MTRFR: variants seen among roughly 807,000 people sequenced by gnomAD.
MTRFR encodes the protein probable peptide chain release factor C12orf65, mitochondrial.
In MTRFR, 10 loss-of-function variants were observed where a neutral mutation model predicts 11.9. The ratio of observed to expected loss-of-function variants is 0.84; its 90% confidence interval spans 0.52 to 1.42. The LOEUF is 1.42. Among genes scored for constraint, MTRFR ranks in the 40% most tolerant of loss-of-function variants. MTRFR has a pLI of 0.00. For missense variants in MTRFR, 196 were observed against 197.9 expected (o/e 0.99, Z 0.06); for synonymous variants, 77 against 79.1 (o/e 0.97, Z 0.14).
chr12:123,257,271 T>A lies in MTRFR; in HGVS notation c.*240T>A. 1 of 457,734 alleles carries A rather than the reference T, an allele frequency of 2.2e-6. No homozygotes were observed. The highest frequency in any genetic ancestry group is 3.9e-6 in the Non-Finnish European group (1 of 253,580). 28.4% of individuals were successfully genotyped at this position (457,734 alleles called of 1,614,324 possible). ...GCCTCACATCTGTAATCCCAGCACT[T>A]TGGGAGGCCGAGGCGGGCGGATCAC... On this transcript the variant is annotated 3_prime_UTR_variant, in exon 3 of 3. Coordinates refer to ENST00000253233, the MANE Select transcript of MTRFR (RefSeq NM_152269.5).
intron 1 of MTRFR, 122 bp from the exon 2 acceptor site, chr12:123,253,525 T>C (rs900858810): frequency 3.2e-6 from 3 of 943,504 alleles, no homozygotes; most frequent in African/African-American, 1.6e-5. Flanking sequence ...ATTTCCTAAA[T>C]TCCCTCGGTA....
intron 1 of MTRFR, among the ~76,000 whole-genome samples, chr12:123,241,704 A>G (rs540728678): frequency 2.0e-5 from 3 of 151,010 alleles, no homozygotes; most frequent in African/African-American, 4.9e-5. Context: ...TCTGGGCTCA[A>G]GCAATCCTCC....
At position 123,253,950 on chromosome 12, in the gene MTRFR, T is replaced by G; in HGVS notation, c.276T>G (p.Val92=). 6.2e-7 allele frequency: 1 copy of G among 1,614,110 alleles called. No individual in the cohort carries two copies. Among genetic ancestry groups the G allele is most frequent in the African/African-American group, 1.3e-5 (1 of 75,032 alleles). Residue 92 remains valine (V), a synonymous_variant, in exon 2 of 3, where the codon GTT becomes GTG. Coordinates refer to ENST00000253233, the MANE Select transcript of MTRFR (RefSeq NM_152269.5). The part of the protein sequence containing the change: ...VVLKHIPSGI[V]VKCHQTRSVD... The stretch of plus-strand genomic sequence containing the variant: ...TGAAGCACATCCCCTCAGGCATCGT[T>G]GTAAAGGTAGATCACAGAAGGCCGC...
intron 2 of MTRFR, 136 bp downstream of exon 2, chr12:123,254,092 C>A: frequency 1.0e-6 from 1 of 994,160 alleles, no homozygotes; most frequent in Non-Finnish European, 1.5e-6. Flanking sequence ...ACCAGCCAGG[C>A]AGTAGAGAGC....
rs1201161319 is a variant in MTRFR at position 123,247,944 on chromosome 12, CA to C, written c.-28-5692del. On this transcript the variant is annotated intron_variant, in intron 1 of 2. Coordinates refer to ENST00000253233, the MANE Select transcript of MTRFR (RefSeq NM_152269.5). ...TGGGCAACAGAGTGAGACTCTGTCT[CA>C]AAAAAAAAAAGAAAGAAATGTGAGG... Among the ~76,000 whole-genome samples, 49 of 142,620 alleles carry C rather than the reference CA, an allele frequency of 3.4e-4. 1 individual carries two copies. The highest frequency in any genetic ancestry group is 2.2e-4 in the South Asian group (1 of 4,542). The allele number at this position is 142,620 out of a possible 152,430, so 93.6% of individuals were successfully genotyped here. A position where few individuals can be genotyped will look rare whatever the true frequency, so the allele number is the denominator to read the frequency against.
chr12:123,252,320 AC>A (rs1312382836), intron 1 of MTRFR: 1 of 152,110 alleles, frequency 6.6e-6, no homozygotes, highest in Non-Finnish European at 1.5e-5. Flanking sequence ...GTCTTCACCT[AC>A]TAGGGAGCCT....
upstream of MTRFR, chr12:123,232,924 G>C (rs576042238): frequency 1.3e-5 from 2 of 152,314 alleles, no homozygotes; most frequent in Non-Finnish European, 2.9e-5. Context: ...CCCACACGCC[G>C]AAGGGCTCCG....
chr12:123,254,730 G>A (rs2048163988), intron 2 of MTRFR: 1 of 152,236 alleles, frequency 6.6e-6, no homozygotes, highest in South Asian at 2.1e-4. Context: ...GAGGTCAGGA[G>A]TTCGAGACCA....
At chr12:123,244,575 C>T (rs1278047872) in intron 1 of MTRFR, among the ~76,000 whole-genome samples, 2 of 152,194 alleles carry the variant, frequency 1.3e-5, no homozygotes, top group East Asian at 3.8e-4. Flanking sequence ...GATTTTACTA[C>T]AAATCAGCCT....
intron 1 of MTRFR, among the ~76,000 whole-genome samples, chr12:123,235,133 T>G (rs2047824559): frequency 6.6e-6 from 1 of 152,204 alleles, no homozygotes; most frequent in Non-Finnish European, 1.5e-5. Flanking sequence ...AGTTGAGAGA[T>G]CTGACATGCT....
chr12:123,250,040 A>G (rs368540486), intron 1 of MTRFR: 1 of 152,184 alleles, frequency 6.6e-6, no homozygotes, highest in East Asian at 1.9e-4. Flanking sequence ...CGTTTAACAC[A>G]ATCCCAGACT....
intron 1 of MTRFR, among the ~76,000 whole-genome samples, chr12:123,242,815 CTT>C (rs1199299479): frequency 6.6e-6 from 1 of 152,214 alleles, no homozygotes. Flanking sequence ...CACTTCCTCT[CTT>C]TTTCCCTGCA....
chr12:123,242,184 G>T lies in MTRFR; in HGVS notation c.-29+8653G>T, dbSNP rs147751123. Among the ~76,000 whole-genome samples the T allele has an allele frequency of 6.6e-5, 10 of 152,302 alleles. No homozygotes were observed. In the East Asian group the frequency reaches 1.7e-3, roughly 26 times the overall value. Reference sequence around the variant, plus strand: ...CCAAGTTGGAAGGGACTGAAGCAATGACAGGAGCTTTCACCTTAACTGCGA... The same window carrying T: ...CCAAGTTGGAAGGGACTGAAGCAATTACAGGAGCTTTCACCTTAACTGCGA... On this transcript the variant is annotated intron_variant, in intron 1 of 2. Transcript: ENST00000253233.
intron 1 of MTRFR, among the ~76,000 whole-genome samples, chr12:123,247,722 G>A (rs982684152): frequency 1.3e-5 from 2 of 152,172 alleles, no homozygotes; most frequent in South Asian, 4.1e-4. Context: ...AAGGTGGGCG[G>A]ATCATGAGGT....
chr12:123,242,401 G>C (rs2047954257), intron 1 of MTRFR, among the ~76,000 whole-genome samples: 1 of 152,098 alleles, frequency 6.6e-6, no homozygotes, highest in African/African-American at 2.4e-5. Context: ...GTCACAATGA[G>C]CTATAATTTG....
chr12:123,237,492 T>C (rs2047869825), intron 1 of MTRFR, among the ~76,000 whole-genome samples: 1 of 152,200 alleles, frequency 6.6e-6, no homozygotes, highest in African/African-American at 2.4e-5. Flanking sequence ...CCTCTTTACT[T>C]CATTAGCTAT....
intron 1 of MTRFR, among the ~76,000 whole-genome samples, chr12:123,235,289 C>T (rs61953361): frequency 0.02 from 3,008 of 152,242 alleles, 70 homozygotes; most frequent in Non-Finnish European, 0.024. Context: ...AGACATTGAA[C>T]GCAGGTCTGT....
In MTRFR at chr12:123,246,709, A is replaced by ATT. The variant is rs1157677577; in HGVS notation, c.-28-6900_-28-6899dup. Among the ~76,000 whole-genome samples the ATT allele has an allele frequency of 1.5e-4, 8 of 53,516 alleles. 2 individuals are homozygous for ATT. The highest frequency in any genetic ancestry group is 7.5e-4 in the African/African-American group (8 of 10,668). The allele number at this position is 53,516 out of a possible 152,430, so 35.1% of individuals were successfully genotyped here. On this transcript the variant is annotated intron_variant, in intron 1 of 2. Coordinates refer to ENST00000253233, the MANE Select transcript of MTRFR (RefSeq NM_152269.5). ...TGAGAGAGTGCTTGATATAATTTCA[A>ATT]TTTTTTTTTTTTTTTTTTTTTTTTT...
intron 1 of MTRFR, among the ~76,000 whole-genome samples, chr12:123,244,591 C>T (rs1355875564): frequency 6.6e-6 from 1 of 152,170 alleles, no homozygotes; most frequent in Admixed American, 6.5e-5. Flanking sequence ...AGCCTCAAGC[C>T]TTGAAAGGAA....
Sources: allele counts gnomAD v4.1 joint callset (sites outside exome capture counted in the v4.1 genomes callset), GRCh38; gene constraint gnomAD v4.1.1; transcripts MANE v1.5; gene names NCBI Gene and HGNC (gene_info 2026-07-23, HGNC 2026-07-21).